The following FAM124A variants were observed in gnomAD, a reference collection of about 807,000 sequenced individuals.
FAM124A encodes protein FAM124A.
A neutral mutation model predicts 24.5 loss-of-function variants in FAM124A; 23 were observed. That is an observed-to-expected ratio of 0.94 (90% CI 0.68 to 1.33). The LOEUF (loss-of-function observed/expected upper bound fraction) is 1.33. Among genes scored for constraint, FAM124A ranks in the 40% most tolerant of loss-of-function variants. The pLI, the probability that FAM124A is intolerant of heterozygous loss-of-function variation, is 0.00. For missense variants in FAM124A, 623 were observed against 722.8 expected, an observed-to-expected ratio of 0.86 and a Z score of 1.58; for synonymous variants, 287 against 314.7, an observed-to-expected ratio of 0.91 and a Z score of 0.93.
chr13:51,242,871 G>A (rs1251682275), intron 2 of FAM124A, among the ~76,000 whole-genome samples: 5 of 152,032 alleles, frequency 3.3e-5, no homozygotes, highest in Non-Finnish European at 7.4e-5. Flanking sequence ...ATGAGAGGGC[G>A]GTCGAATAAC....
intron 3 of FAM124A, among the ~76,000 whole-genome samples, chr13:51,269,903 C>T (rs1954823383): frequency 6.6e-6 from 1 of 152,176 alleles, no homozygotes; most frequent in South Asian, 2.1e-4. Flanking sequence ...CCCTAGGTAA[C>T]TAATGGAGGG....
intron 3 of FAM124A, among the ~76,000 whole-genome samples, chr13:51,278,427 G>A (rs1369137534): frequency 6.6e-6 from 1 of 152,118 alleles, no homozygotes; most frequent in African/African-American, 2.4e-5. Flanking sequence ...AATCCAACAA[G>A]ACCCCACTTT....
intron 2 of FAM124A, among the ~76,000 whole-genome samples, chr13:51,238,359 G>A (rs1408478091): frequency 6.6e-6 from 1 of 152,196 alleles, no homozygotes; most frequent in African/African-American, 2.4e-5. Context: ...AAAGTTTGAG[G>A]AGCACCGAGC....
In FAM124A at chr13:51,256,509, A is replaced by T. The variant is rs556244558; in HGVS notation, c.834+4308A>T. On this transcript the variant is annotated intron_variant, in intron 3 of 3. Coordinates refer to ENST00000322475, the MANE Select transcript of FAM124A (RefSeq NM_001242312.2). ...CTGTTACCACCAGAGAACTTTTCAG[A>T]TCTCATCCACACCAGCTAGTATTGC... is the stretch of plus-strand genomic sequence containing the variant. Among the ~76,000 whole-genome samples, 442 of 152,262 alleles carry T rather than the reference A, an allele frequency of 2.9e-3. 3 individuals are homozygous for T. Among genetic ancestry groups the T allele is most frequent in the African/African-American group, 0.01 (416 of 41,548 alleles).
intron 3 of FAM124A, among the ~76,000 whole-genome samples, chr13:51,271,434 T>C (rs903848011): frequency 6.6e-6 from 1 of 152,028 alleles, no homozygotes; most frequent in Non-Finnish European, 1.5e-5. Context: ...TCAGTAGCCA[T>C]AAAAATAGAT....
intron 3 of FAM124A, among the ~76,000 whole-genome samples, 172 bp from the exon 4 acceptor site, chr13:51,280,278 C>T (rs999390278): frequency 6.6e-6 from 1 of 152,112 alleles, no homozygotes; most frequent in African/African-American, 2.4e-5. Flanking sequence ...TTCTGGTGCT[C>T]CTCAAAGCTC....
intron 2 of FAM124A, among the ~76,000 whole-genome samples, chr13:51,233,958 G>A (rs1030098582): frequency 3.6e-4 from 55 of 152,290 alleles, no homozygotes; most frequent in African/African-American, 1.3e-3. Context: ...GGCACCGTCT[G>A]TGTCCAGCAG....
intron 3 of FAM124A, 58 bp from the exon 4 acceptor site, chr13:51,280,392 C>T: frequency 9.1e-6 from 13 of 1,432,214 alleles, no homozygotes; most frequent in South Asian, 1.4e-5. Flanking sequence ...AACTGTGTTT[C>T]CTGATGCATT....
At chr13:51,270,420 AT>A (rs200718821) in intron 3 of FAM124A, among the ~76,000 whole-genome samples, 7 of 151,588 alleles carry the variant, frequency 4.6e-5, no homozygotes, top group Admixed American at 1.3e-4. Flanking sequence ...CAAAGATGGG[AT>A]TTTTTTTTAA....
chr13:51,242,416 T>G (rs1954507205), intron 2 of FAM124A, among the ~76,000 whole-genome samples: 1 of 152,230 alleles, frequency 6.6e-6, no homozygotes, highest in African/African-American at 2.4e-5. Context: ...CTGCATTACT[T>G]CTCATAAACT....
chr13:51,279,253 A>G (rs1431323059), intron 3 of FAM124A, among the ~76,000 whole-genome samples: 1 of 152,152 alleles, frequency 6.6e-6, no homozygotes, highest in Non-Finnish European at 1.5e-5. Context: ...CAAATGATTA[A>G]GAAAATTGGT....
At chr13:51,278,813 C>T (rs1312529089) in intron 3 of FAM124A, among the ~76,000 whole-genome samples, 1 of 152,150 alleles carries the variant, frequency 6.6e-6, no homozygotes, top group Non-Finnish European at 1.5e-5. Flanking sequence ...TGCAAAACTA[C>T]ACAGTGTTCA....
At chr13:51,270,755 G>C (rs1284971545) in intron 3 of FAM124A, among the ~76,000 whole-genome samples, 2 of 152,210 alleles carry the variant, frequency 1.3e-5, no homozygotes, top group Non-Finnish European at 2.9e-5. Flanking sequence ...TCTGAGGAAG[G>C]CTGGATGGAC....
In FAM124A at chr13:51,280,488, A is replaced by G; in HGVS notation, c.873A>G (p.Arg291=). 1.2e-6 allele frequency: 2 copies of G among 1,612,808 alleles called. No homozygotes were observed. Among genetic ancestry groups the G allele is most frequent in the Admixed American group, 1.7e-5 (1 of 59,858 alleles). ...ATAAGAAGTTTCCTAAACCTGGCAG[A>G]GTACATCATGCCTCCGAGAAGAAAC... ...RVHKKFPKPG[R]VHHASEKKRH... is the part of the protein sequence containing the mutation. Residue 291 remains arginine (R), a synonymous_variant, in exon 4 of 4, where the codon AGA becomes AGG. Transcript: ENST00000322475.
intron 2 of FAM124A, among the ~76,000 whole-genome samples, chr13:51,233,142 T>C (rs1954397322): frequency 6.6e-6 from 1 of 152,086 alleles, no homozygotes; most frequent in Non-Finnish European, 1.5e-5. Flanking sequence ...TAGGGATTCG[T>C]TTTCCTCTAA....
At position 51,281,378 on chromosome 13, in the gene FAM124A, C is replaced by T. The variant is rs2137718335; in HGVS notation, c.*122C>T. The T allele has an allele frequency of 1.9e-5, 19 of 980,470 alleles. No homozygotes were observed. In the South Asian group the frequency reaches 3.6e-4, roughly 18 times the overall value. 60.7% of individuals were successfully genotyped at this position (980,470 alleles called of 1,614,324 possible). A position where few individuals can be genotyped will look rare whatever the true frequency, so the allele number is the denominator to read the frequency against. ...ATCCATTTCCCAGGAGCCCGTAGCA[C>T]ATTTGCCTACCACCCACTCTTAGCT... On this transcript the variant is annotated 3_prime_UTR_variant, in exon 4 of 4. Coordinates refer to ENST00000322475, the MANE Select transcript of FAM124A (RefSeq NM_001242312.2).
chr13:51,228,115 C>T (rs1954335359), intron 1 of FAM124A, among the ~76,000 whole-genome samples: 1 of 152,118 alleles, frequency 6.6e-6, no homozygotes, highest in Non-Finnish European at 1.5e-5. Context: ...TGATGTTTTA[C>T]AGAAACATCA....
intron 2 of FAM124A, among the ~76,000 whole-genome samples, chr13:51,240,488 A>C (rs1327375463): frequency 1.3e-5 from 2 of 152,198 alleles, no homozygotes; most frequent in Non-Finnish European, 1.5e-5. Flanking sequence ...TATGGAGATA[A>C]TTGGGCCTTT....
intron 2 of FAM124A, among the ~76,000 whole-genome samples, chr13:51,236,708 A>G (rs1954438839): frequency 6.6e-6 from 1 of 152,230 alleles, no homozygotes. Flanking sequence ...TTCTGTTTTC[A>G]TTAGAGAAGA....
Sources: allele counts gnomAD v4.1 joint callset (sites outside exome capture counted in the v4.1 genomes callset), GRCh38; gene constraint gnomAD v4.1.1; transcripts MANE v1.5; gene names NCBI Gene and HGNC (gene_info 2026-07-23, HGNC 2026-07-21).